Variants in KLF12 observed in about 807,000 individuals in gnomAD.
The protein encoded by KLF12 is KLF transcription factor 12.
In KLF12, 9 loss-of-function variants were observed where a neutral mutation model predicts 37.8. That is an observed-to-expected ratio of 0.24 (90% confidence interval 0.14 to 0.42). The LOEUF (loss-of-function observed/expected upper bound fraction) is 0.42. Ranked by LOEUF, KLF12 falls within the 10% of genes least tolerant of loss-of-function variation. KLF12 has a pLI of 1.00. For missense variants in KLF12, 411 were observed against 516.0 expected, an observed-to-expected ratio of 0.80 and a Z score of 1.97; for synonymous variants, 208 against 202.1, an observed-to-expected ratio of 1.03 and a Z score of -0.25.
intron 1 of KLF12, among the ~76,000 whole-genome samples, chr13:74,047,692 G>T (rs575187730): frequency 1.3e-5 from 2 of 152,108 alleles, no homozygotes; most frequent in South Asian, 4.1e-4. Context: ...AGCAAACAGA[G>T]GCAAAAATAA....
At chr13:74,110,997 A>G (rs991167707) in intron 1 of KLF12, among the ~76,000 whole-genome samples, 2 of 152,074 alleles carry the variant, frequency 1.3e-5, no homozygotes, top group Admixed American at 6.6e-5. Context: ...CACTAAAAAT[A>G]CAAAAATTAG....
At chr13:73,822,668 TTTC>T (rs1200814260) in intron 4 of KLF12, among the ~76,000 whole-genome samples, 8 of 152,234 alleles carry the variant, frequency 5.3e-5, no homozygotes, top group Admixed American at 5.2e-4. Flanking sequence ...TAAGACTACT[TTTC>T]TTGTTTATAA....
At chr13:74,008,418 A>G (rs1803712105) in intron 1 of KLF12, among the ~76,000 whole-genome samples, 2 of 152,216 alleles carry the variant, frequency 1.3e-5, no homozygotes, top group Admixed American at 6.5e-5. Context: ...CATCAGCAAC[A>G]GCTTTTAATG....
chr13:74,057,584 C>T (rs1482885498), intron 1 of KLF12, among the ~76,000 whole-genome samples: 2 of 152,238 alleles, frequency 1.3e-5, no homozygotes, highest in Non-Finnish European at 2.9e-5. Flanking sequence ...ACCTCCTAAA[C>T]TGGAATAACA....
At chr13:74,102,385 C>T (rs1876403677) in intron 1 of KLF12, among the ~76,000 whole-genome samples, 1 of 151,822 alleles carries the variant, frequency 6.6e-6, no homozygotes, top group Non-Finnish European at 1.5e-5. Flanking sequence ...CAGACACTAA[C>T]AGAAACAGAT....
chr13:74,024,175 AT>A (rs1251002402), intron 1 of KLF12, among the ~76,000 whole-genome samples: 1 of 152,230 alleles, frequency 6.6e-6, no homozygotes, highest in Non-Finnish European at 1.5e-5. Context: ...GCAGTACCAT[AT>A]TCTAATTTGG....
intron 3 of KLF12, among the ~76,000 whole-genome samples, chr13:73,942,545 G>A (rs1204633045): frequency 6.6e-6 from 1 of 152,102 alleles, no homozygotes; most frequent in Non-Finnish European, 1.5e-5. Context: ...TATAAGGTTT[G>A]GAAGGTATAT....
At chr13:74,304,377 C>T in the KLF12 span, among the ~76,000 whole-genome samples, 2 of 152,014 alleles carry the variant, frequency 1.3e-5, no homozygotes, top group Admixed American at 6.6e-5. Flanking sequence ...ATGTTGCCTC[C>T]CTGTTCAGAA....
At chr13:74,181,759 T>C in the KLF12 span, among the ~76,000 whole-genome samples, 5 of 149,764 alleles carry the variant, frequency 3.3e-5, no homozygotes, top group Non-Finnish European at 4.5e-5. Context: ...AACAACCCAA[T>C]GTATGAGGAC....
chr13:73,697,555 T>C (rs1287880690), intron 7 of KLF12, among the ~76,000 whole-genome samples: 3 of 152,230 alleles, frequency 2.0e-5, no homozygotes, highest in Admixed American at 6.5e-5. Flanking sequence ...TATAGTATTA[T>C]CTACATGCTT....
chr13:74,104,512 G>C (rs895544732), intron 1 of KLF12, among the ~76,000 whole-genome samples: 2 of 152,174 alleles, frequency 1.3e-5, no homozygotes, highest in Admixed American at 6.5e-5. Context: ...ACTGTTCACT[G>C]TATTTTTCTC....
intron 1 of KLF12, among the ~76,000 whole-genome samples, chr13:74,018,541 T>C (rs1892760461): frequency 6.6e-6 from 1 of 152,214 alleles, no homozygotes; most frequent in Admixed American, 6.5e-5. Context: ...CAAAACATCA[T>C]GTTGTAAATA....
intron 1 of KLF12, among the ~76,000 whole-genome samples, chr13:74,112,560 T>C (rs1410902711): frequency 6.6e-6 from 1 of 152,200 alleles, no homozygotes; most frequent in Non-Finnish European, 1.5e-5. Flanking sequence ...TTATTGCATC[T>C]GTATTGGTGA....
At chr13:73,695,816 G>A (rs1016390072) in intron 7 of KLF12, 145 bp from the exon 8 acceptor site, 1 of 751,892 alleles carries the variant, frequency 1.3e-6, no homozygotes, top group Admixed American at 2.5e-5. Flanking sequence ...CATCCCACCA[G>A]CGGTCTGGGT....
chr13:74,230,414 G>C, the KLF12 span, among the ~76,000 whole-genome samples: 1 of 152,116 alleles, frequency 6.6e-6, no homozygotes, highest in South Asian at 2.1e-4. Flanking sequence ...GTATCTTTAA[G>C]TTTTCTGTGG....
chr13:74,093,788 G>A (rs1875815964), intron 1 of KLF12, among the ~76,000 whole-genome samples: 1 of 151,556 alleles, frequency 6.6e-6, no homozygotes, highest in Admixed American at 6.6e-5. Flanking sequence ...ATTTCTCTAG[G>A]TAAGTAAAAT....
At chr13:73,962,356 T>C (rs547914075) in intron 2 of KLF12, among the ~76,000 whole-genome samples, 4 of 152,274 alleles carry the variant, frequency 2.6e-5, no homozygotes, top group South Asian at 2.1e-4. Flanking sequence ...AGGAAGGGCA[T>C]AGAAGATTTC....
chr13:74,232,768 G>T, the KLF12 span, among the ~76,000 whole-genome samples: 1 of 152,078 alleles, frequency 6.6e-6, no homozygotes, highest in Non-Finnish European at 1.5e-5. Flanking sequence ...GTGGTCCCAC[G>T]TAGGTCAACA....
chr13:74,208,035 A>G, the KLF12 span, among the ~76,000 whole-genome samples: 2 of 152,220 alleles, frequency 1.3e-5, no homozygotes, highest in Non-Finnish European at 2.9e-5. Context: ...CAGGATGAAG[A>G]ATTTACAGAA....
Sources: gnomAD v4.1 joint callset for allele counts (sites outside exome capture counted in the v4.1 genomes callset) on GRCh38, gnomAD v4.1.1 for gene constraint, MANE v1.5 for transcripts, NCBI Gene and HGNC (gene_info 2026-07-23, HGNC 2026-07-21) for gene names.